The following MCPH1 variants were observed in gnomAD, a reference collection of about 807,000 sequenced individuals.
MCPH1 encodes microcephalin.
In MCPH1, 104 loss-of-function variants were observed where a neutral mutation model predicts 84.5. That is an observed-to-expected ratio of 1.23 (90% CI 1.05 to 1.45). MCPH1 has a LOEUF of 1.45. Ranked by LOEUF, MCPH1 falls within the 40% of genes most tolerant of loss-of-function variation. The pLI, the probability that MCPH1 is intolerant of heterozygous loss-of-function variation, is 0.00. For missense variants in MCPH1, 1,498 were observed against 1,005.7 expected, an observed-to-expected ratio of 1.49 and a Z score of -6.62; for synonymous variants, 514 against 366.8, an observed-to-expected ratio of 1.40 and a Z score of -4.58.
intron 12 of MCPH1, among the ~76,000 whole-genome samples, chr8:6,505,440 T>TA (rs1813331085): frequency 1.2e-5 from 1 of 84,448 alleles, no homozygotes; most frequent in African/African-American, 4.4e-5. Context: ...ATATATATTC[T>TA]TTATATACAT....
chr8:6,621,954 C>G (rs976773125), intron 13 of MCPH1, among the ~76,000 whole-genome samples: 7 of 152,198 alleles, frequency 4.6e-5, no homozygotes, highest in African/African-American at 1.4e-4. Context: ...TGTGAAAAAT[C>G]CAGGCTACCC....
intron 5 of MCPH1, 61 bp from the exon 6 acceptor site, chr8:6,438,892 C>T: frequency 6.6e-7 from 1 of 1,514,432 alleles, no homozygotes; most frequent in South Asian, 1.1e-5. Context: ...TAAAAGGAAT[C>T]ACATTCCTGA....
In MCPH1 at chr8:6,645,606, C is replaced by CCA. The variant is rs749994311; in HGVS notation, c.*2557_*2558insCA. ...CTATGTATAGAAATTGTAAGGAATG[C>CCA]AAAAAAAAAAAAAAAAAAAAGCCCT... On this transcript the variant is annotated 3_prime_UTR_variant, in exon 14 of 14. Transcript: ENST00000344683. 1 of 51,764 alleles carries CCA rather than the reference C, an allele frequency of 1.9e-5. No homozygotes were observed. Among genetic ancestry groups the CCA allele is most frequent in the Admixed American group, 2.1e-4 (1 of 4,838 alleles). The allele number at this position is 51,764 out of a possible 1,614,324, so 3.2% of individuals were successfully genotyped here.
At chr8:6,549,997 C>CAA (rs1823332809) in intron 12 of MCPH1, among the ~76,000 whole-genome samples, 1 of 152,198 alleles carries the variant, frequency 6.6e-6, no homozygotes, top group Non-Finnish European at 1.5e-5. Flanking sequence ...TTGGCTTTGC[C>CAA]CAGGTGATCA....
At chr8:6,635,723 C>A (rs897300908) in intron 13 of MCPH1, among the ~76,000 whole-genome samples, 1 of 152,208 alleles carries the variant, frequency 6.6e-6, no homozygotes, top group African/African-American at 2.4e-5. Context: ...AGCCCCCCAG[C>A]AGAATGCCTC....
At chr8:6,479,629 G>A (rs895842182) in intron 10 of MCPH1, among the ~76,000 whole-genome samples, 1 of 151,912 alleles carries the variant, frequency 6.6e-6, no homozygotes, top group East Asian at 1.9e-4. Flanking sequence ...TAGAGACAGC[G>A]TTTCACCATG....
chr8:6,556,141 C>T (rs1824574260), intron 12 of MCPH1, among the ~76,000 whole-genome samples: 1 of 151,990 alleles, frequency 6.6e-6, no homozygotes, highest in Non-Finnish European at 1.5e-5. Flanking sequence ...ACTTCTCAGG[C>T]TCACTTTTTT....
intron 7 of MCPH1, 77 bp downstream of exon 7, chr8:6,442,233 T>C: frequency 1.1e-6 from 1 of 901,068 alleles, no homozygotes; most frequent in Non-Finnish European, 1.8e-6. Context: ...GAATTTCATG[T>C]AGCAACTTCT....
In MCPH1 at chr8:6,445,185, G is replaced by A. The variant is rs1409748895; in HGVS notation, c.1463G>A (p.Gly488Glu). The A allele has an allele frequency of 3.1e-6, 5 of 1,614,248 alleles. No homozygotes were observed. The highest frequency in any genetic ancestry group is 4.2e-6 in the Non-Finnish European group (5 of 1,180,036). The change falls in exon 8 of 14, where the codon GGA (glycine) becomes GAA (glutamate). Residue 488 changes from glycine (G) to glutamate (E), a missense_variant. By Grantham distance (98) the Gly-to-Glu change is moderately conservative. Transcript: ENST00000344683. ...ACCATCTCCAGTCCTCGGAAAACTG[G>A]AAATGGTGAAGGCCGTGCAACTTCG... ...AKTISSPRKT[G>E]NGEGRATSSC...
intron 6 of MCPH1, among the ~76,000 whole-genome samples, chr8:6,441,372 T>C (rs993405481): frequency 6.2e-5 from 9 of 145,658 alleles, no homozygotes; most frequent in African/African-American, 2.2e-4. Context: ...TTATGTGTGC[T>C]TCCCTTCCTT....
chr8:6,479,352 T>C (rs1374503782), intron 10 of MCPH1, among the ~76,000 whole-genome samples: 1 of 152,116 alleles, frequency 6.6e-6, no homozygotes, highest in Non-Finnish European at 1.5e-5. Context: ...CAATAACCTC[T>C]TCCCCTTTGT....
chr8:6,497,779 T>C (rs1025472730), intron 11 of MCPH1, among the ~76,000 whole-genome samples: 4 of 152,140 alleles, frequency 2.6e-5, no homozygotes, highest in African/African-American at 9.7e-5. Context: ...GCTTTAAAAA[T>C]ACAAATACAG....
chr8:6,589,491 T>C (rs978393296), intron 12 of MCPH1, among the ~76,000 whole-genome samples: 6 of 152,198 alleles, frequency 3.9e-5, no homozygotes, highest in African/African-American at 1.4e-4. Context: ...TTGCTCTGCA[T>C]GTCACTTGGA....
chr8:6,546,778 C>T (rs1420247569), intron 12 of MCPH1, among the ~76,000 whole-genome samples: 8 of 152,192 alleles, frequency 5.3e-5, no homozygotes, highest in African/African-American at 9.7e-5. Flanking sequence ...CTCTTCCTCC[C>T]CTTCCCCCAA....
intron 12 of MCPH1, among the ~76,000 whole-genome samples, chr8:6,511,417 T>C (rs1815069717): frequency 6.6e-6 from 1 of 152,092 alleles, no homozygotes; most frequent in African/African-American, 2.4e-5. Context: ...GTGTGAAAAG[T>C]GATGAATTTT....
At chr8:6,612,082 C>T (rs942921957) in intron 12 of MCPH1, among the ~76,000 whole-genome samples, 3 of 152,156 alleles carry the variant, frequency 2.0e-5, no homozygotes, top group Non-Finnish European at 4.4e-5. Context: ...GGAGCCACCT[C>T]ATTAGCATAC....
At chr8:6,626,501 G>A in intron 13 of MCPH1, 1 of 810,868 alleles carries the variant, frequency 1.2e-6, no homozygotes, top group Non-Finnish European at 1.5e-6. Flanking sequence ...TGCGTTTTGA[G>A]AGAGCACACT....
In MCPH1 at chr8:6,648,489, CTAA is replaced by C. The variant is rs1798322273; in HGVS notation, c.*5441_*5443del. Reference sequence around the variant, plus strand: ...AGAACAAAAGTGGAATAAATAAAAACTAACTGTCTCATTTCAGCACTGGCAGTC... The same window carrying C: ...AGAACAAAAGTGGAATAAATAAAAACCTGTCTCATTTCAGCACTGGCAGTC... On this transcript the variant is annotated 3_prime_UTR_variant, in exon 14 of 14. Transcript: ENST00000344683. The C allele has an allele frequency of 7.0e-6, 1 of 142,866 alleles. No homozygotes were observed. Among genetic ancestry groups the C allele is most frequent in the Non-Finnish European group, 1.6e-5 (1 of 63,724 alleles). The allele number at this position is 142,866 out of a possible 1,614,324, so 8.8% of individuals were successfully genotyped here. A position where few individuals can be genotyped will look rare whatever the true frequency, so the allele number is the denominator to read the frequency against.
At position 6,645,210 on chromosome 8, in the gene MCPH1, T is replaced by C. The variant is rs561206333; in HGVS notation, c.*2161T>C. 7 of 152,420 alleles carry C rather than the reference T, an allele frequency of 4.6e-5. No homozygotes were observed. The highest frequency in any genetic ancestry group is 1.3e-4 in the Admixed American group (2 of 15,298). 9.4% of individuals were successfully genotyped at this position (152,420 alleles called of 1,614,324 possible). A position where few individuals can be genotyped will look rare whatever the true frequency, so the allele number is the denominator to read the frequency against. On this transcript the variant is annotated 3_prime_UTR_variant, in exon 14 of 14. Coordinates refer to ENST00000344683, the MANE Select transcript of MCPH1 (RefSeq NM_024596.5). ...CCCACCCAGGCCTCAGTCCCCAGTG[T>C]TAAGTTCTGATCCCTGATGCTGGCC...
Sources: allele counts gnomAD v4.1 joint callset (sites outside exome capture counted in the v4.1 genomes callset), GRCh38; gene constraint gnomAD v4.1.1; transcripts MANE v1.5; gene names NCBI Gene and HGNC (gene_info 2026-07-23, HGNC 2026-07-21).